Variants in MYO1E observed in about 807,000 individuals in gnomAD.
The protein encoded by MYO1E is unconventional myosin-Ie.
MYO1E carries 68 observed loss-of-function variants against 151.1 expected under a neutral mutation model. That is an observed-to-expected ratio of 0.45 (90% CI 0.37 to 0.55). MYO1E has a LOEUF of 0.55. Among genes scored for constraint, MYO1E ranks in the 20% least tolerant of loss-of-function variants. The pLI is 0.00. For synonymous variants in MYO1E, 601 were observed against 501.7 expected (o/e 1.20, Z -2.64); for missense variants, 1,363 against 1,389.3 (o/e 0.98, Z 0.30).
At chr15:59,203,441 G>A (rs538708556) in intron 15 of MYO1E, among the ~76,000 whole-genome samples, 16 of 150,654 alleles carry the variant, frequency 1.1e-4, no homozygotes, top group African/African-American at 2.9e-4. Context: ...GTGCAGTGGC[G>A]CGATCTTGGC....
At chr15:59,216,674 A>G (rs1325093273) in intron 10 of MYO1E, among the ~76,000 whole-genome samples, 2,174 of 10,424 alleles carry the variant, frequency 0.21, 257 homozygotes, top group African/African-American at 0.32. Context: ...GTGTATATAT[A>G]TATATATATA....
intron 1 of MYO1E, among the ~76,000 whole-genome samples, chr15:59,294,908 T>C (rs1276418806): frequency 6.6e-6 from 1 of 152,182 alleles, no homozygotes; most frequent in East Asian, 1.9e-4. Flanking sequence ...ATGTTCAATC[T>C]AGTCCATCCT....
Position 59,191,160 on chromosome 15 carries a change from T to C in MYO1E, c.1806-2944A>G, listed in dbSNP as rs540158332. On this transcript the variant is annotated intron_variant, in intron 17 of 27. Transcript: ENST00000288235. ...ATTATTAACTTTCAGAAAGCCTCTG[T>C]GTGCAAAGAGTTAAGCCGGGCATAG... Among the ~76,000 whole-genome samples the C allele has an allele frequency of 8.7e-4, 133 of 152,202 alleles. 3 individuals are homozygous for C. The South Asian group carries it at 0.027, about 31-fold the overall frequency.
intron 1 of MYO1E, among the ~76,000 whole-genome samples, chr15:59,363,223 C>T (rs1013727773): frequency 1.3e-5 from 2 of 152,256 alleles, no homozygotes; most frequent in East Asian, 1.9e-4. Context: ...GTGATCCACC[C>T]GCCTCGGCCT....
chr15:59,359,312 TA>T (rs2080872427), intron 1 of MYO1E, among the ~76,000 whole-genome samples: 1 of 141,276 alleles, frequency 7.1e-6, no homozygotes, highest in South Asian at 2.2e-4. Flanking sequence ...TATATATATA[TA>T]ATATATATAT....
chr15:59,169,485 A>G (rs1311186986), intron 22 of MYO1E, among the ~76,000 whole-genome samples: 7 of 152,222 alleles, frequency 4.6e-5, no homozygotes, highest in African/African-American at 1.7e-4. Flanking sequence ...AAATGAGGGG[A>G]CACTATTATT....
intron 1 of MYO1E, among the ~76,000 whole-genome samples, chr15:59,274,967 A>C (rs540856883): frequency 6.6e-6 from 1 of 152,348 alleles, no homozygotes; most frequent in East Asian, 1.9e-4. Context: ...AGTGGTTACA[A>C]TATGCAAAGG....
intron 26 of MYO1E, among the ~76,000 whole-genome samples, chr15:59,142,023 C>T (rs954329312): frequency 1.3e-5 from 2 of 151,578 alleles, no homozygotes; most frequent in South Asian, 2.1e-4. Flanking sequence ...AGGAGAATGG[C>T]GTGAACCAGG....
At position 59,272,305 on chromosome 15, in the gene MYO1E, C is replaced by T. The variant is rs565568548; in HGVS notation, c.147+1G>A. The T allele has an allele frequency of 1.9e-6, 3 of 1,613,992 alleles. No homozygotes were observed. The highest frequency in any genetic ancestry group is 1.7e-5 in the Admixed American group (1 of 60,016). On this transcript the variant is annotated splice_donor_variant, in intron 2 of 27. Transcript: ENST00000288235. LOFTEE classifies it high-confidence loss of function. ...TGTCCAAAGCAGCCAATAAAGGATA[C>T]AAAAATGTAGTCATCCATGTATCTC... is the stretch of plus-strand genomic sequence containing the variant.
At chr15:59,261,923 C>T (rs564928610) in intron 2 of MYO1E, among the ~76,000 whole-genome samples, 9 of 152,238 alleles carry the variant, frequency 5.9e-5, no homozygotes, top group South Asian at 2.1e-4. Flanking sequence ...ATTCATCAGC[C>T]GGGCGTGATG....
At chr15:59,182,464 C>T (rs1433384518) in intron 18 of MYO1E, among the ~76,000 whole-genome samples, 2 of 152,132 alleles carry the variant, frequency 1.3e-5, no homozygotes, top group Admixed American at 6.6e-5. Flanking sequence ...CTGCCCACTG[C>T]GGCCTCCCAA....
Position 59,134,894 on chromosome 15 carries a change from T to G in MYO1E, c.*2486A>C, listed in dbSNP as rs78595012. 17 of 152,238 alleles carry G rather than the reference T, an allele frequency of 1.1e-4. No homozygotes were observed. The East Asian group carries it at 3.1e-3, about 28-fold the overall frequency. 9.4% of individuals were successfully genotyped at this position (152,238 alleles called of 1,614,324 possible). ...AGACTAGAGGAAACCCAGGTTAGTG[T>G]CTTAAAGGGAAAAAAGACATTTTTC... On this transcript the variant is annotated 3_prime_UTR_variant, in exon 28 of 28. Coordinates refer to ENST00000288235, the MANE Select transcript of MYO1E (RefSeq NM_004998.4).
intron 17 of MYO1E, among the ~76,000 whole-genome samples, chr15:59,193,567 TGACGGAACTGA>T (rs2079747330): frequency 6.6e-6 from 1 of 152,170 alleles, no homozygotes; most frequent in South Asian, 2.1e-4. Context: ...GAGAAACTGT[TGACGGAACTGA>T]GAGGGATTAA....
At chr15:59,372,086 AG>A (rs1230454418) in intron 1 of MYO1E, among the ~76,000 whole-genome samples, 10 of 149,302 alleles carry the variant, frequency 6.7e-5, no homozygotes, top group Non-Finnish European at 1.4e-4. Context: ...GGCCGCGGGG[AG>A]GGCAGGGGAC....
chr15:59,177,348 G>A (rs1489633856), intron 19 of MYO1E, among the ~76,000 whole-genome samples: 1 of 152,130 alleles, frequency 6.6e-6, no homozygotes, highest in Non-Finnish European at 1.5e-5. Context: ...CTGAGTCTCA[G>A]GCTGATCCTA....
chr15:59,208,631 A>T (rs778530139), intron 14 of MYO1E, 50 bp downstream of exon 14: 1 of 1,609,174 alleles, frequency 6.2e-7, no homozygotes. Flanking sequence ...ACCAGATCAC[A>T]AACCCAAAGG....
At chr15:59,267,201 T>C (rs2080261306) in intron 2 of MYO1E, among the ~76,000 whole-genome samples, 2 of 53,946 alleles carry the variant, frequency 3.7e-5, no homozygotes, top group Non-Finnish European at 7.8e-5. Flanking sequence ...AATTTTTGTA[T>C]TTATAGTAGA....
chr15:59,163,979 C>T (rs1301695830), intron 22 of MYO1E, among the ~76,000 whole-genome samples: 11 of 152,180 alleles, frequency 7.2e-5, no homozygotes, highest in Admixed American at 7.2e-4. Context: ...AAAGAACACA[C>T]CTTTGCGGGA....
chr15:59,283,333 C>A, intron 1 of MYO1E, among the ~76,000 whole-genome samples: 1 of 152,164 alleles, frequency 6.6e-6, no homozygotes, highest in South Asian at 2.1e-4. Flanking sequence ...TACCTACATT[C>A]CCACTGTCCC....
Sources: allele counts gnomAD v4.1 joint callset (sites outside exome capture counted in the v4.1 genomes callset), GRCh38; gene constraint gnomAD v4.1.1; transcripts MANE v1.5; gene names NCBI Gene and HGNC (gene_info 2026-07-23, HGNC 2026-07-21).